MTMR1: variants seen among roughly 807,000 people sequenced by gnomAD.
MTMR1 encodes the protein myotubularin related protein 1, also known as phosphatidylinositol-3-phosphate phosphatase MTMR1.
MTMR1 carries 17 observed loss-of-function variants against 51.6 expected under a neutral mutation model. The observed-to-expected ratio is 0.33, with a 90% CI of 0.23 to 0.49. MTMR1 has a LOEUF of 0.49. Among genes scored for constraint, MTMR1 ranks in the 20% least tolerant of loss-of-function variants. The pLI is 0.99. For missense variants in MTMR1, 386 were observed against 526.9 expected (o/e 0.73, Z 2.62); for synonymous variants, 201 against 205.6 (o/e 0.98, Z 0.19).
intron 15 of MTMR1, among the ~76,000 whole-genome samples, chrX:150,759,500 A>G (rs111844020): frequency 0.026 from 2,610 of 100,150 alleles, 98 homozygotes; most frequent in African/African-American, 0.082. Flanking sequence ...CGATTACTGC[A>G]GGAGACCCCC....
In MTMR1 at chrX:150,755,731, A is replaced by G; in HGVS notation, c.1723A>G (p.Ser575Gly). 1.7e-6 allele frequency: 2 copies of G among 1,205,375 alleles called. No homozygotes were observed. The highest frequency in any genetic ancestry group is 2.2e-6 in the Non-Finnish European group (2 of 892,498). ...KTISLWSYIN[S>G]QLDEFSNPFF... is the part of the protein sequence containing the mutation. ...GATATCTTTATGGTCGTATATCAATAGCCAGCTAGACGAGTTTTCTAATCC... is the reference window on the plus strand; with the variant it reads ...GATATCTTTATGGTCGTATATCAATGGCCAGCTAGACGAGTTTTCTAATCC... The change falls in exon 15 of 16, where the codon AGC becomes GGC. Residue 575 changes from serine to glycine, a missense_variant. By Grantham distance (56) the Ser-to-Gly change is moderately conservative (BLOSUM62 0). Transcript: ENST00000445323.
intron 2 of MTMR1, among the ~76,000 whole-genome samples, chrX:150,711,147 A>G (rs1291657354): frequency 8.9e-6 from 1 of 112,560 alleles, no homozygotes; most frequent in Non-Finnish European, 1.9e-5. Flanking sequence ...ACACATTTAA[A>G]GCCATCACCA....
chrX:150,711,457 A>C (rs1482333120), intron 2 of MTMR1, among the ~76,000 whole-genome samples: 3 of 112,540 alleles, frequency 2.7e-5, no homozygotes, highest in Admixed American at 1.9e-4. Flanking sequence ...ATAGGATTTC[A>C]GACTTTGAAA....
At position 150,723,363 on chromosome X, in the gene MTMR1, T is replaced by C. The variant is rs782738965; in HGVS notation, c.353-3852T>C. Among the ~76,000 whole-genome samples, 215 of 111,124 alleles carry C rather than the reference T, an allele frequency of 1.9e-3. 2 individuals are homozygous for C. The highest frequency in any genetic ancestry group is 2.9e-3 in the Non-Finnish European group (152 of 52,975). On this transcript the variant is annotated intron_variant, in intron 4 of 15. Coordinates refer to ENST00000445323, the MANE Select transcript of MTMR1 (RefSeq NM_001306144.3). ...AGCATGATTTATAGTCCTTTGGGTA[T>C]GTACCCAGTAATGGGATGGCTGGGT...
At position 150,762,783 on chromosome X, in the gene MTMR1, C is replaced by T. The variant is rs947884922; in HGVS notation, c.*54C>T. ...TCTCCCGGTGGCTCAGGAAAGGGAC[C>T]TGGCGATCACTGTTATGGCTGTAGC... On this transcript the variant is annotated 3_prime_UTR_variant, in exon 16 of 16. Coordinates refer to ENST00000445323, the MANE Select transcript of MTMR1 (RefSeq NM_001306144.3). 1 of 1,090,098 alleles carries T rather than the reference C, an allele frequency of 9.2e-7. No individual in the cohort carries two copies. Among genetic ancestry groups the T allele is most frequent in the Non-Finnish European group, 1.2e-6 (1 of 819,994 alleles). 89.8% of individuals were successfully genotyped at this position (1,090,098 alleles called of 1,213,427 possible).
chrX:150,699,163 T>C (rs781827068), intron 1 of MTMR1, 32 bp from the exon 2 acceptor site: 4 of 994,515 alleles, frequency 4.0e-6, no homozygotes, highest in South Asian at 2.2e-5. Context: ...TCCTATGATA[T>C]AACGTTTTGT....
chrX:150,751,500 C>G (rs1472409011), intron 14 of MTMR1, among the ~76,000 whole-genome samples: 1 of 111,365 alleles, frequency 9.0e-6, no homozygotes, highest in Non-Finnish European at 1.9e-5. Flanking sequence ...CCGCCTCCCC[C>G]TCTCTCAGCA....
At chrX:150,747,151 A>G (rs1360861025) in intron 13 of MTMR1, among the ~76,000 whole-genome samples, 1 of 111,089 alleles carries the variant, frequency 9.0e-6, no homozygotes, top group Non-Finnish European at 1.9e-5. Context: ...TTGTTCCTCA[A>G]GAGGTGCAGA....
chrX:150,719,505 T>G (rs1347799981), intron 4 of MTMR1, among the ~76,000 whole-genome samples: 1 of 111,665 alleles, frequency 9.0e-6, no homozygotes, highest in African/African-American at 3.3e-5. Context: ...TTTATTTCCT[T>G]GGGTTCTAGG....
intron 15 of MTMR1, among the ~76,000 whole-genome samples, chrX:150,762,031 T>G (rs201492646): frequency 8.9e-6 from 1 of 112,587 alleles, no homozygotes; most frequent in Non-Finnish European, 1.9e-5. Context: ...CACTGCCCGC[T>G]CCGGGGGGCT....
intron 1 of MTMR1, among the ~76,000 whole-genome samples, chrX:150,694,345 AAG>A (rs1306341356): frequency 8.9e-6 from 1 of 112,134 alleles, no homozygotes; most frequent in East Asian, 2.8e-4. Context: ...CTGCAGAACT[AAG>A]AGAAATCAGT....
At chrX:150,760,389 GT>G (rs2043071888) in intron 15 of MTMR1, among the ~76,000 whole-genome samples, 1 of 111,301 alleles carries the variant, frequency 9.0e-6, no homozygotes, top group Non-Finnish European at 1.9e-5. Flanking sequence ...TGAGAAGGCA[GT>G]GGCTCGATTG....
At chrX:150,716,466 T>C (rs2041520450) in intron 3 of MTMR1, among the ~76,000 whole-genome samples, 2 of 112,965 alleles carry the variant, frequency 1.8e-5, no homozygotes, top group African/African-American at 6.4e-5. Flanking sequence ...TTAATCGTTC[T>C]CCACACCTAC....
intron 2 of MTMR1, among the ~76,000 whole-genome samples, chrX:150,711,861 A>G (rs1160527339): frequency 2.7e-5 from 3 of 111,835 alleles, no homozygotes; most frequent in Non-Finnish European, 3.8e-5. Flanking sequence ...TCAATGCAAT[A>G]TAGCTGAGCT....
Position 150,718,615 on chromosome X carries a change from T to A in MTMR1, c.277-10T>A. 1 of 709,463 alleles carries A rather than the reference T, an allele frequency of 1.4e-6. No individual in the cohort carries two copies. Among genetic ancestry groups the A allele is most frequent in the Non-Finnish European group, 1.9e-6 (1 of 526,671 alleles). The allele number at this position is 709,463 out of a possible 1,213,427, so 58.5% of individuals were successfully genotyped here. A position where few individuals can be genotyped will look rare whatever the true frequency, so the allele number is the denominator to read the frequency against. On this transcript the variant is annotated splice_polypyrimidine_tract_variant and intron_variant, in intron 3 of 15. Coordinates refer to ENST00000445323, the MANE Select transcript of MTMR1 (RefSeq NM_001306144.3). ...TTTTTTTTTTTTTTTTTTTTTTTTTTTTTTGCCAGGCTCTAAGGGATGGAA... is the reference window on the plus strand; with the variant it reads ...TTTTTTTTTTTTTTTTTTTTTTTTTATTTTGCCAGGCTCTAAGGGATGGAA...
rs782520669 is a variant in MTMR1 at position 150,732,612 on chromosome X, A to G, written c.962A>G (p.Asn321Ser). Reference protein sequence around the residue: ...TRCSQPLVGPNDKRCKEDEKY... With the variant: ...TRCSQPLVGPSDKRCKEDEKY... ...TGCAGCCAGCCACTTGTGGGTCCCA[A>G]TGATAAGCGCTGCAAAGAGGATGAA... is the stretch of plus-strand genomic sequence containing the variant. The change falls in exon 10 of 16, where the codon AAT becomes AGT. Residue 321 changes from asparagine to serine, a missense_variant. Transcript: ENST00000445323. The G allele has an allele frequency of 2.5e-6, 3 of 1,210,030 alleles. No homozygotes were observed. Among genetic ancestry groups the G allele is most frequent in the Non-Finnish European group, 2.2e-6 (2 of 895,085 alleles).
At chrX:150,745,467 AGCCCAGGGCCTTTTCAGAGGACATC>A (rs1557417436) in intron 13 of MTMR1, among the ~76,000 whole-genome samples, 3 of 112,059 alleles carry the variant, frequency 2.7e-5, no homozygotes, top group Non-Finnish European at 5.6e-5. Context: ...TATCACCATC[AGCCCAGGGCCTTTTCAGAGGACATC>A]TGCCTCCCTA....
chrX:150,720,687 T>TA (rs1224818910), intron 4 of MTMR1, among the ~76,000 whole-genome samples: 1 of 112,374 alleles, frequency 8.9e-6, no homozygotes, highest in African/African-American at 3.2e-5. Context: ...ACAGTTTCTT[T>TA]AAAAAACTGC....
rs1487024986 is a variant in MTMR1, at chrX:150,764,827, C to CTAA, written c.*2098_*2099insTAA. 4.4e-5 allele frequency: 5 copies of CTAA among 112,492 alleles called. No individual in the cohort carries two copies. Among genetic ancestry groups the CTAA allele is most frequent in the African/African-American group, 1.6e-4 (5 of 30,918 alleles). The allele number at this position is 112,492 out of a possible 1,213,427, so 9.3% of individuals were successfully genotyped here. ...AAGTAAGTGTACTAGAATGCGAAGC[C>CTAA]GTTATGGTTCAGGTTTTTAAAAACT... On this transcript the variant is annotated 3_prime_UTR_variant, in exon 16 of 16. Transcript: ENST00000445323.
Sources: allele counts gnomAD v4.1 joint callset (sites outside exome capture counted in the v4.1 genomes callset), GRCh38; gene constraint gnomAD v4.1.1; transcripts MANE v1.5; gene names NCBI Gene and HGNC (gene_info 2026-07-23, HGNC 2026-07-21).